RBFOX1: variants seen among roughly 807,000 people sequenced by gnomAD.
RBFOX1 encodes the protein RNA binding protein fox-1 homolog 1.
RBFOX1 carries 8 observed loss-of-function variants against 57.7 expected under a neutral mutation model. The ratio of observed to expected loss-of-function variants is 0.14; its 90% CI spans 0.08 to 0.25. The LOEUF (loss-of-function observed/expected upper bound fraction) is 0.25. Among genes scored for constraint, RBFOX1 ranks in the 10% least tolerant of loss-of-function variants. RBFOX1 has a pLI of 1.00. For synonymous variants in RBFOX1, 326 were observed against 222.4 expected (o/e 1.47, Z -4.15); for missense variants, 611 against 548.5 (o/e 1.11, Z -1.14).
chr16:6,220,865 T>A (rs1598485069), intron 1 of RBFOX1, among the ~76,000 whole-genome samples: 2 of 152,170 alleles, frequency 1.3e-5, no homozygotes, highest in Non-Finnish European at 2.9e-5. Flanking sequence ...TTAACTTTTT[T>A]AAAATAAACA....
At chr16:5,875,875 G>C (rs1368881910) in intron 4 of RBFOX1, among the ~76,000 whole-genome samples, 1 of 146,554 alleles carries the variant, frequency 6.8e-6, no homozygotes, top group Non-Finnish European at 1.5e-5. Flanking sequence ...AGGGAGTCTT[G>C]CTTTGTCTCC....
chr16:6,634,722 T>TATATTTGTATTAAATATATAAC (rs1353786716), intron 2 of RBFOX1, among the ~76,000 whole-genome samples: 76,274 of 138,648 alleles, frequency 0.55, 23,020 homozygotes, highest in South Asian at 0.78. Flanking sequence ...AAATATATAA[T>TATATTTGTATTAAATATATAAC]ACAAAGATAT....
intron 1 of RBFOX1, among the ~76,000 whole-genome samples, chr16:6,099,436 A>G (rs1300311806): frequency 6.6e-6 from 1 of 152,216 alleles, no homozygotes; most frequent in East Asian, 1.9e-4. Context: ...GAATTCAGTC[A>G]ATTGATTATG....
intron 3 of RBFOX1, among the ~76,000 whole-genome samples, chr16:5,643,800 T>C (rs1281545150): frequency 1.3e-5 from 2 of 152,196 alleles, no homozygotes; most frequent in Non-Finnish European, 2.9e-5. Context: ...TACTGTCCCC[T>C]AATCACAAGC....
chr16:6,323,370 G>T (rs779056820), intron 2 of RBFOX1, among the ~76,000 whole-genome samples: 41 of 152,198 alleles, frequency 2.7e-4, no homozygotes, highest in Non-Finnish European at 4.9e-4. Flanking sequence ...AGTTTTACTG[G>T]GTGTGCACAA....
chr16:5,272,874 G>A (rs973727788), intron 1 of RBFOX1, among the ~76,000 whole-genome samples: 2 of 152,220 alleles, frequency 1.3e-5, no homozygotes, highest in Non-Finnish European at 2.9e-5. Context: ...TGAGCTGACT[G>A]CAAGGTGCTT....
intron 4 of RBFOX1, among the ~76,000 whole-genome samples, chr16:7,256,270 G>C (rs148958056): frequency 5.3e-5 from 8 of 152,248 alleles, no homozygotes; most frequent in African/African-American, 1.9e-4. Context: ...CAGGCCTCTG[G>C]GGTTCTGATG....
chr16:5,346,074 A>G (rs928019330), intron 1 of RBFOX1, among the ~76,000 whole-genome samples: 1 of 152,202 alleles, frequency 6.6e-6, no homozygotes, highest in African/African-American at 2.4e-5. Flanking sequence ...GCCTTCCAGC[A>G]GCCCACTACC....
In RBFOX1 at chr16:6,147,120, A is replaced by T. The variant is rs140451086; in HGVS notation, c.-127+127128A>T. On this transcript the variant is annotated intron_variant, in intron 1 of 15. Coordinates refer to ENST00000550418, the MANE Select transcript of RBFOX1 (RefSeq NM_018723.4). ...TCAGAATTTGCATGGATAGAGAGCC[A>T]GAGAAATACTTTGTTGAAGGGCCTT... Among the ~76,000 whole-genome samples, 630 of 152,314 alleles carry T rather than the reference A, an allele frequency of 4.1e-3. 6 individuals are homozygous for T. The highest frequency in any genetic ancestry group is 0.013 in the African/African-American group (551 of 41,564).
chr16:7,405,266 T>A (rs1024380425), intron 4 of RBFOX1, among the ~76,000 whole-genome samples: 4 of 152,334 alleles, frequency 2.6e-5, no homozygotes, highest in Non-Finnish European at 5.9e-5. Context: ...GCAGCGCTGA[T>A]GCCAGCCCAG....
intron 1 of RBFOX1, among the ~76,000 whole-genome samples, chr16:5,283,983 C>T (rs113032273): frequency 0.026 from 3,941 of 152,202 alleles, 184 homozygotes; most frequent in African/African-American, 0.09. Context: ...TGAATTCCCA[C>T]ATGTTATTGG....
At chr16:7,675,231 T>C (rs968875858) in intron 13 of RBFOX1, among the ~76,000 whole-genome samples, 6 of 146,742 alleles carry the variant, frequency 4.1e-5, no homozygotes, top group Non-Finnish European at 9.1e-5. Flanking sequence ...AATTTCTCTT[T>C]AGTCCGTCAC....
At chr16:7,370,925 G>A (rs562402858) in intron 4 of RBFOX1, among the ~76,000 whole-genome samples, 81 of 152,284 alleles carry the variant, frequency 5.3e-4, no homozygotes, top group African/African-American at 1.9e-3. Flanking sequence ...CTGCAGCCAG[G>A]GTGAGTGGAA....
At chr16:6,737,064 G>C (rs1459587463) in intron 3 of RBFOX1, among the ~76,000 whole-genome samples, 2 of 152,188 alleles carry the variant, frequency 1.3e-5, no homozygotes, top group Admixed American at 1.3e-4. Flanking sequence ...CCATGTGTCA[G>C]ATACTTCAGT....
At chr16:7,240,019 T>G (rs765189782) in intron 4 of RBFOX1, among the ~76,000 whole-genome samples, 14 of 152,086 alleles carry the variant, frequency 9.2e-5, no homozygotes, top group Non-Finnish European at 2.1e-4. Flanking sequence ...CAGGCTGGAG[T>G]GCAATGCTGC....
At chr16:7,000,159 A>T (rs964024573) in intron 3 of RBFOX1, among the ~76,000 whole-genome samples, 6 of 152,096 alleles carry the variant, frequency 3.9e-5, no homozygotes, top group African/African-American at 1.2e-4. Context: ...AGAATATGAG[A>T]ATTCTTAAGG....
chr16:6,991,514 C>T (rs1180513218), intron 3 of RBFOX1, among the ~76,000 whole-genome samples: 4 of 152,074 alleles, frequency 2.6e-5, no homozygotes, highest in Non-Finnish European at 5.9e-5. Context: ...TTATCATCAA[C>T]CCACTTCTCA....
At chr16:5,325,957 C>G (rs1046817979) in intron 1 of RBFOX1, among the ~76,000 whole-genome samples, 1 of 152,130 alleles carries the variant, frequency 6.6e-6, no homozygotes, top group African/African-American at 2.4e-5. Context: ...AATGGAAATG[C>G]TAGGTCCTAT....
At position 6,837,541 on chromosome 16, in the gene RBFOX1, A is replaced by G. The variant is rs28538296; in HGVS notation, c.-16+182891A>G. Among the ~76,000 whole-genome samples the G allele has an allele frequency of 3.5e-3, 532 of 152,282 alleles. 2 individuals carry two copies. The highest frequency in any genetic ancestry group is 0.012 in the African/African-American group (507 of 41,558). On this transcript the variant is annotated intron_variant, in intron 3 of 15. Coordinates refer to ENST00000550418, the MANE Select transcript of RBFOX1 (RefSeq NM_018723.4). ...CGGGTAATTGGGAAGACTATAATAA[A>G]AATGGTTTAGCATGTGAGTACTGGG...
Sources: gnomAD v4.1 joint callset for allele counts (sites outside exome capture counted in the v4.1 genomes callset) on GRCh38, gnomAD v4.1.1 for gene constraint, MANE v1.5 for transcripts, NCBI Gene and HGNC (gene_info 2026-07-23, HGNC 2026-07-21) for gene names.